EML6: variants seen among roughly 807,000 people sequenced by gnomAD.
EML6 encodes EMAP like 6.
A neutral mutation model predicts 240.1 loss-of-function variants in EML6; 154 were observed. The observed-to-expected ratio is 0.64, with a 90% CI of 0.56 to 0.73. The LOEUF is 0.73. EML6 is among the 30% of genes least tolerant of loss of function. EML6 has a pLI of 0.00. For missense variants in EML6, 2,964 were observed against 2,474.6 expected, an observed-to-expected ratio of 1.20 and a Z score of -4.20; for synonymous variants, 1,148 against 899.0, an observed-to-expected ratio of 1.28 and a Z score of -4.95.
chr2:54,743,101 T>G (rs926831203), intron 2 of EML6, among the ~76,000 whole-genome samples: 2 of 152,202 alleles, frequency 1.3e-5, no homozygotes, highest in African/African-American at 4.8e-5. Flanking sequence ...AGATAATGAT[T>G]TACTTGTTTA....
intron 11 of EML6, among the ~76,000 whole-genome samples, chr2:54,857,581 G>C (rs895269289): frequency 1.3e-5 from 2 of 152,332 alleles, no homozygotes; most frequent in Admixed American, 6.5e-5. Context: ...ATTGTGAGAA[G>C]TGCTGTGAAG....
In EML6 at chr2:54,919,250, C is replaced by CA. The variant is rs570645181; in HGVS notation, c.3675+2315_3675+2316insA. On this transcript the variant is annotated intron_variant, in intron 26 of 41. Transcript: ENST00000356458. Reference sequence around the variant, plus strand: ...CTTTCCTCTATTTTGCTTCCCCCCCCCCCCAATCCTTTTCAAAAGTCTTAT... The same window carrying CA: ...CTTTCCTCTATTTTGCTTCCCCCCCCACCCCAATCCTTTTCAAAAGTCTTAT... 2.7e-5 allele frequency among the ~76,000 whole-genome samples: 4 copies of CA among 145,708 alleles called. No individual in the cohort carries two copies. The East Asian group carries it at 8.6e-4, about 31-fold the overall frequency.
Position 54,953,993 on chromosome 2 carries a change from T to C in EML6, c.4323T>C (p.Pro1441=). The C allele has an allele frequency of 6.4e-7, 1 of 1,550,926 alleles. No homozygotes were observed. The change falls in exon 32 of 42, where the codon CCT becomes CCC. Residue 1441 remains proline, a synonymous_variant. Transcript: ENST00000356458. Reference sequence around the variant, plus strand: ...CCTCTCCACACTCAGGGACAACACCTTCCATCCACATATGGGACGCCATGA... The same window carrying C: ...CCTCTCCACACTCAGGGACAACACCCTCCATCCACATATGGGACGCCATGA... ...VVATSQIGTT[P]SIHIWDAMTK... is the part of the protein sequence containing the mutation.
chr2:54,849,375 A>G (rs901090336), intron 9 of EML6, among the ~76,000 whole-genome samples: 1 of 152,170 alleles, frequency 6.6e-6, no homozygotes, highest in African/African-American at 2.4e-5. Context: ...CTTCTATCAC[A>G]CTGCAGTTTG....
At chr2:54,919,712 A>G (rs1291203224) in intron 26 of EML6, among the ~76,000 whole-genome samples, 1 of 152,222 alleles carries the variant, frequency 6.6e-6, no homozygotes, top group South Asian at 2.1e-4. Flanking sequence ...TGGAGCAGCT[A>G]TTTAGATAAC....
chr2:54,802,798 C>T (rs1443716249), intron 2 of EML6, among the ~76,000 whole-genome samples: 4 of 152,134 alleles, frequency 2.6e-5, no homozygotes, highest in South Asian at 4.2e-4. Flanking sequence ...CCATTTACCC[C>T]ATTTGGCAGA....
At chr2:54,732,018 A>C (rs982698337) in intron 2 of EML6, among the ~76,000 whole-genome samples, 1 of 152,142 alleles carries the variant, frequency 6.6e-6, no homozygotes, top group East Asian at 1.9e-4. Context: ...GTGAAATGAT[A>C]TCTCATTGTG....
chr2:54,745,424 A>G (rs1683869673), intron 2 of EML6, among the ~76,000 whole-genome samples: 1 of 152,040 alleles, frequency 6.6e-6, no homozygotes, highest in African/African-American at 2.4e-5. Context: ...CTGCCAGGAG[A>G]TACTGATGGA....
At chr2:54,825,957 C>T (rs1329285518) in intron 5 of EML6, among the ~76,000 whole-genome samples, 1 of 152,204 alleles carries the variant, frequency 6.6e-6, no homozygotes, top group African/African-American at 2.4e-5. Flanking sequence ...GCAGTTTCTT[C>T]CTCACTGCTG....
At chr2:54,865,421 G>A (rs1488557235) in intron 13 of EML6, among the ~76,000 whole-genome samples, 1 of 151,894 alleles carries the variant, frequency 6.6e-6, no homozygotes, top group Non-Finnish European at 1.5e-5. Context: ...AGGGCTACAA[G>A]CCACTGTACT....
chr2:54,838,126 A>G (rs1351845124), intron 7 of EML6, among the ~76,000 whole-genome samples: 3 of 152,232 alleles, frequency 2.0e-5, no homozygotes, highest in African/African-American at 7.2e-5. Flanking sequence ...AAGTTGTAAG[A>G]TAAGGCAGAG....
chr2:54,895,026 G>A lies in EML6; in HGVS notation c.2854G>A (p.Gly952Ser), dbSNP rs1672687914. 6.5e-7 allele frequency: 1 copy of A among 1,543,826 alleles called. No individual in the cohort carries two copies. The highest frequency in any genetic ancestry group is 8.8e-7 in the Non-Finnish European group (1 of 1,139,868). The change falls in exon 20 of 42, where the codon GGC becomes AGC. Residue 952 changes from glycine (G) to serine (S), a missense_variant and splice_region_variant. By Grantham distance (56) the Gly-to-Ser change is moderately conservative. Transcript: ENST00000356458. ...ATCAGCATTGTCGACTAGCTCAAAAGGTGCCACTCCCAAACATGTAATAGA... is the reference window on the plus strand; with the variant it reads ...ATCAGCATTGTCGACTAGCTCAAAAAGTGCCACTCCCAAACATGTAATAGA... ...KRSALSTSSKGLLLEDNPSIR... is the reference protein window; with the variant it reads ...KRSALSTSSKSLLLEDNPSIR...
chr2:54,788,365 G>C (rs892552296), intron 2 of EML6, among the ~76,000 whole-genome samples: 1 of 152,124 alleles, frequency 6.6e-6, no homozygotes, highest in African/African-American at 2.4e-5. Context: ...TCCTGGTCAG[G>C]GCTGGACCCA....
chr2:54,925,258 C>T (rs1366795313), intron 26 of EML6, among the ~76,000 whole-genome samples: 2 of 152,164 alleles, frequency 1.3e-5, no homozygotes, highest in African/African-American at 4.8e-5. Context: ...AGGAAGAGAG[C>T]CCGCACCAGG....
chr2:54,950,912 T>C (rs955453770), intron 30 of EML6, 133 bp downstream of exon 30: 12 of 979,738 alleles, frequency 1.2e-5, no homozygotes, highest in Admixed American at 2.7e-5. Flanking sequence ...CAGCATGGTC[T>C]CAGTTAGGCC....
At chr2:54,871,368 G>T in intron 15 of EML6, 132 bp from the exon 16 acceptor site, 1 of 674,592 alleles carries the variant, frequency 1.5e-6, no homozygotes. Context: ...AATTGTAGCA[G>T]ATGATTTCCT....
intron 17 of EML6, among the ~76,000 whole-genome samples, chr2:54,884,471 G>A (rs1432444500): frequency 6.6e-6 from 1 of 152,174 alleles, no homozygotes; most frequent in Non-Finnish European, 1.5e-5. Context: ...CTGAAGGTCA[G>A]GAATGGGGCT....
chr2:54,888,179 G>A (rs1036763890), intron 17 of EML6, among the ~76,000 whole-genome samples: 1 of 152,206 alleles, frequency 6.6e-6, no homozygotes, highest in Non-Finnish European at 1.5e-5. Flanking sequence ...AGGATTCATA[G>A]CAGAGGGTAA....
At chr2:54,900,060 G>T (rs1213622984) in intron 22 of EML6, among the ~76,000 whole-genome samples, 1 of 152,208 alleles carries the variant, frequency 6.6e-6, no homozygotes, top group Non-Finnish European at 1.5e-5. Flanking sequence ...TTCTCATTGA[G>T]AGCTGTGGGA....
Sources: gnomAD v4.1 joint callset for allele counts (sites outside exome capture counted in the v4.1 genomes callset) on GRCh38, gnomAD v4.1.1 for gene constraint, MANE v1.5 for transcripts, NCBI Gene and HGNC (gene_info 2026-07-23, HGNC 2026-07-21) for gene names.